Variants in MAGI1 observed in about 807,000 individuals in gnomAD.
MAGI1 encodes the protein membrane associated guanylate kinase, WW and PDZ domain containing 1.
MAGI1 carries 58 observed loss-of-function variants against 139.9 expected under a neutral mutation model. That is an observed-to-expected ratio of 0.41 (90% CI 0.34 to 0.52). The LOEUF (loss-of-function observed/expected upper bound fraction) is 0.52, where lower values mean the gene tolerates loss of function less well. MAGI1 is among the 20% of genes least tolerant of loss of function. The pLI is 0.12. For missense variants in MAGI1, 1,874 were observed against 1,901.6 expected (o/e 0.99, Z 0.27); for synonymous variants, 812 against 737.9 (o/e 1.10, Z -1.63).
intron 1 of MAGI1, among the ~76,000 whole-genome samples, chr3:65,733,805 A>C (rs537933295): frequency 1.2e-4 from 19 of 152,234 alleles, no homozygotes; most frequent in Non-Finnish European, 2.4e-4. Flanking sequence ...GAAGCACAGA[A>C]GATAGTCAGA....
At chr3:65,875,277 T>C (rs551222081) in intron 1 of MAGI1, among the ~76,000 whole-genome samples, 1 of 152,206 alleles carries the variant, frequency 6.6e-6, no homozygotes, top group East Asian at 1.9e-4. Flanking sequence ...GGGTTTGTTG[T>C]TGAGATGATG....
At chr3:65,564,922 ATG>A (rs1329030066) in intron 2 of MAGI1, among the ~76,000 whole-genome samples, 2 of 152,332 alleles carry the variant, frequency 1.3e-5, no homozygotes, top group East Asian at 3.9e-4. Context: ...CAACTTAGAG[ATG>A]AGCCAGTGGG....
intron 1 of MAGI1, among the ~76,000 whole-genome samples, chr3:65,879,631 T>C (rs1451787556): frequency 6.6e-6 from 1 of 152,200 alleles, no homozygotes; most frequent in African/African-American, 2.4e-5. Flanking sequence ...ATCTGTAAAC[T>C]GGGAATAATC....
intron 2 of MAGI1, among the ~76,000 whole-genome samples, chr3:65,504,503 C>G (rs1392988940): frequency 6.6e-6 from 1 of 152,090 alleles, no homozygotes; most frequent in Non-Finnish European, 1.5e-5. Flanking sequence ...GGACTTGAAA[C>G]CAGGTTTTTG....
chr3:65,357,499 C>G (rs969050536), intron 22 of MAGI1, among the ~76,000 whole-genome samples: 9 of 150,726 alleles, frequency 6.0e-5, no homozygotes, highest in African/African-American at 2.2e-4. Context: ...CCCACCCCCC[C>G]AACCCTTTTC....
chr3:66,000,223 G>T (rs913784442), intron 1 of MAGI1, among the ~76,000 whole-genome samples: 2 of 151,840 alleles, frequency 1.3e-5, no homozygotes, highest in African/African-American at 2.4e-5. Flanking sequence ...TGATCTGCCC[G>T]CCTCGGCCTC....
At chr3:65,850,055 C>T (rs899200604) in intron 1 of MAGI1, among the ~76,000 whole-genome samples, 2 of 151,990 alleles carry the variant, frequency 1.3e-5, no homozygotes, top group Non-Finnish European at 2.9e-5. Context: ...TAGGGTCATA[C>T]CCTATATTTT....
chr3:65,623,748 A>T (rs927252759), intron 1 of MAGI1, among the ~76,000 whole-genome samples: 2 of 152,234 alleles, frequency 1.3e-5, no homozygotes, highest in Non-Finnish European at 2.9e-5. Context: ...TTAATATCAC[A>T]TTCAATATAA....
intron 1 of MAGI1, among the ~76,000 whole-genome samples, chr3:65,762,729 C>A (rs111680920): frequency 7.1e-6 from 1 of 140,406 alleles, no homozygotes; most frequent in South Asian, 2.3e-4. Context: ...AATTCTTACA[C>A]CACCCACTGA....
At chr3:65,763,614 G>A (rs1278639605) in intron 1 of MAGI1, among the ~76,000 whole-genome samples, 1 of 152,064 alleles carries the variant, frequency 6.6e-6, no homozygotes, top group Non-Finnish European at 1.5e-5. Context: ...AAGCTGCTAA[G>A]CACAAGGGCT....
intron 3 of MAGI1, among the ~76,000 whole-genome samples, chr3:65,489,663 G>C (rs1011711587): frequency 1.3e-5 from 2 of 152,158 alleles, no homozygotes; most frequent in African/African-American, 4.8e-5. Flanking sequence ...AAAGAATGAG[G>C]TGAAACTGTA....
chr3:65,618,723 C>T (rs1016311737), intron 2 of MAGI1, among the ~76,000 whole-genome samples: 1 of 152,124 alleles, frequency 6.6e-6, no homozygotes, highest in African/African-American at 2.4e-5. Context: ...TCTCTTGAGC[C>T]TCTGTTTCCT....
chr3:65,702,949 AG>A (rs919390538), intron 1 of MAGI1, among the ~76,000 whole-genome samples: 7 of 151,994 alleles, frequency 4.6e-5, no homozygotes, highest in Non-Finnish European at 8.8e-5. Context: ...TCTGAGATGC[AG>A]GACTACCCCC....
intron 1 of MAGI1, among the ~76,000 whole-genome samples, chr3:65,838,576 C>G (rs2108326935): frequency 6.6e-6 from 1 of 152,258 alleles, no homozygotes; most frequent in Non-Finnish European, 1.5e-5. Flanking sequence ...GTTTGTTCCT[C>G]TTTATTGTTG....
At chr3:65,965,745 T>G (rs958226563) in intron 1 of MAGI1, among the ~76,000 whole-genome samples, 2 of 152,030 alleles carry the variant, frequency 1.3e-5, no homozygotes, top group South Asian at 4.1e-4. Flanking sequence ...GTGGCTCACT[T>G]CAACCTCCAT....
chr3:65,625,051 A>G (rs1394327674), intron 1 of MAGI1, among the ~76,000 whole-genome samples: 1 of 151,992 alleles, frequency 6.6e-6, no homozygotes, highest in Non-Finnish European at 1.5e-5. Flanking sequence ...TTTCATATTT[A>G]TAGTAGAGAT....
At position 65,419,978 on chromosome 3, in the gene MAGI1, G is replaced by T. The variant is rs1946524840; in HGVS notation, c.2167+9542C>A. On this transcript the variant is annotated intron_variant, in intron 12 of 22. Transcript: ENST00000402939. ...GAGTCCTGCTGACTATTCTTTAGGT[G>T]TCCCAAGTCCCCCACTGCCGTGATC... Among the ~76,000 whole-genome samples the T allele has an allele frequency of 2.0e-5, 3 of 152,082 alleles. 1 individual carries two copies. In the South Asian group the frequency reaches 6.2e-4, roughly 32 times the overall value.
chr3:65,478,834 A>G lies in MAGI1; in HGVS notation c.551-36T>C, dbSNP rs770202727. Reference sequence around the variant, plus strand: ...GAGAGACACATTTGCATGTTTCAAAAGGAATACTTTGTGTTTTTTTTTAAG... The same window carrying G: ...GAGAGACACATTTGCATGTTTCAAAGGGAATACTTTGTGTTTTTTTTTAAG... On this transcript the variant is annotated intron_variant, in intron 3 of 22. Coordinates refer to ENST00000402939, the MANE Select transcript of MAGI1 (RefSeq NM_001033057.2). 1.1e-5 allele frequency: 16 copies of G among 1,513,082 alleles called. No homozygotes were observed. The South Asian group carries it at 1.7e-4, about 16-fold the overall frequency. 93.7% of individuals were successfully genotyped at this position (1,513,082 alleles called of 1,614,324 possible). A position where few individuals can be genotyped will look rare whatever the true frequency, so the allele number is the denominator to read the frequency against.
chr3:65,687,357 CAGG>C (rs2088142758), intron 1 of MAGI1: 2 of 269,732 alleles, frequency 7.4e-6, no homozygotes, highest in Non-Finnish European at 7.8e-6. Context: ...AAAAGAGGCT[CAGG>C]AGGAGAGTTC....
Sources: gnomAD v4.1 joint callset for allele counts (sites outside exome capture counted in the v4.1 genomes callset) on GRCh38, gnomAD v4.1.1 for gene constraint, MANE v1.5 for transcripts, NCBI Gene and HGNC (gene_info 2026-07-23, HGNC 2026-07-21) for gene names.